NALF1: variants seen among roughly 807,000 people sequenced by gnomAD.
NALF1 encodes the protein NALCN channel auxiliary factor 1.
NALF1 carries 3 observed loss-of-function variants against 48.4 expected under a neutral mutation model. That is an observed-to-expected ratio of 0.06 (90% CI 0.03 to 0.16). NALF1 has a LOEUF of 0.16. NALF1 is among the 10% of genes least tolerant of loss of function. The probability of loss-of-function intolerance (pLI) is 1.00; values close to 1 mark genes in which losing one functional copy is unlikely to be tolerated. For synonymous variants in NALF1, 262 were observed against 245.7 expected, an observed-to-expected ratio of 1.07 and a Z score of -0.62; for missense variants, 526 against 571.5, an observed-to-expected ratio of 0.92 and a Z score of 0.81.
chr13:107,839,344 A>G (rs997935660), intron 1 of NALF1, among the ~76,000 whole-genome samples: 1 of 148,130 alleles, frequency 6.8e-6, no homozygotes, highest in African/African-American at 2.5e-5. Context: ...TCACCTACCT[A>G]AAATCCCAGT....
At chr13:107,194,054 ATCTATATATCAATCT>A (rs1879342250) in intron 2 of NALF1, among the ~76,000 whole-genome samples, 1 of 102,332 alleles carries the variant, frequency 9.8e-6, no homozygotes, top group African/African-American at 5.2e-5. Flanking sequence ...CTATCTATCT[ATCTATATATCAATCT>A]ATCGTTTTAA....
At chr13:107,532,472 T>G (rs1284495218) in intron 1 of NALF1, among the ~76,000 whole-genome samples, 1 of 152,094 alleles carries the variant, frequency 6.6e-6, no homozygotes, top group Non-Finnish European at 1.5e-5. Flanking sequence ...TAGTGGTGTG[T>G]GCTTCCTCAT....
chr13:107,414,508 ATAATTAAATT>A (rs1170815546), intron 1 of NALF1, among the ~76,000 whole-genome samples: 4 of 150,546 alleles, frequency 2.7e-5, no homozygotes, highest in Non-Finnish European at 5.9e-5. Flanking sequence ...TCTATTAAAT[ATAATTAAATT>A]TAATTATAAT....
At chr13:107,581,643 G>C (rs1350076507) in intron 1 of NALF1, among the ~76,000 whole-genome samples, 1 of 152,162 alleles carries the variant, frequency 6.6e-6, no homozygotes, top group Non-Finnish European at 1.5e-5. Context: ...AACAAAATGA[G>C]TGTATATTCC....
Position 107,830,959 on chromosome 13 carries a change from G to A in NALF1, c.915+34723C>T, listed in dbSNP as rs561588117. Among the ~76,000 whole-genome samples, 9 of 152,358 alleles carry A rather than the reference G, an allele frequency of 5.9e-5. No homozygotes were observed. In the South Asian group the frequency reaches 1.9e-3, roughly 32 times the overall value. On this transcript the variant is annotated intron_variant, in intron 1 of 2. Transcript: ENST00000375915. ...ATGAAAGTCCTGGGGGAAATAGGAT[G>A]TTCCGCAAAGAGCATGGGCTGACAG...
chr13:107,618,125 G>C lies in NALF1; in HGVS notation c.915+247557C>G, dbSNP rs1449478164. ...GGAGCATATAAACAGGGCACCGAGA[G>C]AGAAAATAAAATAAGGTCGAAAGTA... On this transcript the variant is annotated intron_variant, in intron 1 of 2. Coordinates refer to ENST00000375915, the MANE Select transcript of NALF1 (RefSeq NM_001080396.3). Among the ~76,000 whole-genome samples, 6 of 152,180 alleles carry C rather than the reference G, an allele frequency of 3.9e-5. No individual in the cohort carries two copies. In the East Asian group the frequency reaches 1.2e-3, roughly 29 times the overall value.
At chr13:107,236,731 ATCT>A (rs1298041618) in intron 1 of NALF1, among the ~76,000 whole-genome samples, 8 of 129,726 alleles carry the variant, frequency 6.2e-5, no homozygotes, top group African/African-American at 2.3e-4. Context: ...CTATCTATCT[ATCT>A]ATCATCTACA....
intron 2 of NALF1, among the ~76,000 whole-genome samples, chr13:107,171,433 A>G (rs181308910): frequency 3.9e-5 from 6 of 152,308 alleles, no homozygotes; most frequent in South Asian, 4.1e-4. Flanking sequence ...TGCTGGGACC[A>G]TCACAGAAGG....
At chr13:107,794,836 G>T (rs1425745945) in intron 1 of NALF1, among the ~76,000 whole-genome samples, 1 of 152,074 alleles carries the variant, frequency 6.6e-6, no homozygotes, top group Non-Finnish European at 1.5e-5. Flanking sequence ...ATGTAGTCAT[G>T]TCTAAAGCTA....
chr13:107,386,424 T>G (rs1030214600), intron 1 of NALF1, among the ~76,000 whole-genome samples: 1 of 152,182 alleles, frequency 6.6e-6, no homozygotes, highest in African/African-American at 2.4e-5. Context: ...TTTACACAAC[T>G]GTTTCCATGA....
chr13:107,838,534 G>A (rs902463294), intron 1 of NALF1, among the ~76,000 whole-genome samples: 1 of 152,036 alleles, frequency 6.6e-6, no homozygotes, highest in Non-Finnish European at 1.5e-5. Flanking sequence ...AAATTGTGTC[G>A]TACGTAACAG....
intron 1 of NALF1, among the ~76,000 whole-genome samples, chr13:107,802,778 G>T (rs74349646): frequency 2.6e-5 from 4 of 152,014 alleles, no homozygotes; most frequent in Non-Finnish European, 5.9e-5. Context: ...ATTGCTGAAC[G>T]TGGTAGACAG....
At chr13:107,290,765 T>A (rs1016676830) in intron 1 of NALF1, among the ~76,000 whole-genome samples, 2 of 152,192 alleles carry the variant, frequency 1.3e-5, no homozygotes, top group African/African-American at 2.4e-5. Context: ...GCAATTTAAG[T>A]AAACAAATTG....
chr13:107,483,776 T>C (rs951216807), intron 1 of NALF1, among the ~76,000 whole-genome samples: 1 of 145,640 alleles, frequency 6.9e-6, no homozygotes, highest in African/African-American at 2.5e-5. Context: ...AAAACTAGTA[T>C]TCAAAATGTC....
chr13:107,714,710 A>G (rs1472941681), intron 1 of NALF1, among the ~76,000 whole-genome samples: 1 of 150,932 alleles, frequency 6.6e-6, no homozygotes, highest in Non-Finnish European at 1.5e-5. Context: ...CTGTTTTGAC[A>G]CTTAAGAGTT....
chr13:107,472,708 G>A (rs929336188), intron 1 of NALF1, among the ~76,000 whole-genome samples: 8 of 152,032 alleles, frequency 5.3e-5, no homozygotes, highest in African/African-American at 1.9e-4. Flanking sequence ...GGCTTGCCAG[G>A]GGCTCTCGGG....
intron 2 of NALF1, among the ~76,000 whole-genome samples, chr13:107,201,305 A>G (rs991595808): frequency 2.6e-5 from 4 of 152,224 alleles, no homozygotes; most frequent in Non-Finnish European, 5.9e-5. Context: ...ACAGTTCACA[A>G]TGAAATGCTA....
chr13:107,329,660 C>T (rs978494592), intron 1 of NALF1, among the ~76,000 whole-genome samples: 4 of 144,526 alleles, frequency 2.8e-5, no homozygotes, highest in Admixed American at 1.4e-4. Context: ...CCTCCCCCCA[C>T]GCCACAACAA....
intron 1 of NALF1, among the ~76,000 whole-genome samples, chr13:107,777,340 A>C (rs998991165): frequency 4.6e-5 from 7 of 152,312 alleles, no homozygotes; most frequent in African/African-American, 7.2e-5. Context: ...CCGATAGCTA[A>C]GTATAAAGAA....
Sources: gnomAD v4.1 joint callset for allele counts (sites outside exome capture counted in the v4.1 genomes callset) on GRCh38, gnomAD v4.1.1 for gene constraint, MANE v1.5 for transcripts, NCBI Gene and HGNC (gene_info 2026-07-23, HGNC 2026-07-21) for gene names.